The following SPTB variants were observed in gnomAD, a reference collection of about 807,000 sequenced individuals.
The protein encoded by SPTB is spectrin beta, erythrocytic.
Under a neutral mutation model 256.2 loss-of-function variants are expected in SPTB, and 45 were observed. The ratio of observed to expected loss-of-function variants is 0.18; its 90% CI spans 0.14 to 0.23. SPTB has a LOEUF of 0.23. Among genes scored for constraint, SPTB ranks in the 10% least tolerant of loss-of-function variants. SPTB has a pLI of 1.00. For synonymous variants in SPTB, 1,231 were observed against 1,243.1 expected, an observed-to-expected ratio of 0.99 and a Z score of 0.21; for missense variants, 2,715 against 3,040.4, an observed-to-expected ratio of 0.89 and a Z score of 2.52.
chr14:64,798,909 G>A (rs182656506), intron 9 of SPTB, among the ~76,000 whole-genome samples: 13 of 152,362 alleles, frequency 8.5e-5, no homozygotes, highest in African/African-American at 2.6e-4. Flanking sequence ...ACAAGCTAAT[G>A]GCAGATAAGC....
At chr14:64,791,611 T>A in intron 15 of SPTB, 108 bp downstream of exon 15, 3 of 826,038 alleles carry the variant, frequency 3.6e-6, no homozygotes, top group Admixed American at 1.9e-5. Context: ...GTTGAGGGTA[T>A]AGAAGTGTTG....
At chr14:64,874,563 A>G (rs1882715475) in intron 1 of SPTB, among the ~76,000 whole-genome samples, 1 of 152,332 alleles carries the variant, frequency 6.6e-6, no homozygotes, top group Admixed American at 6.5e-5. Context: ...CCCTTCTGGA[A>G]ATATACTGGA....
chr14:64,850,412 C>A (rs1831517292), intron 1 of SPTB, among the ~76,000 whole-genome samples: 1 of 152,198 alleles, frequency 6.6e-6, no homozygotes, highest in Non-Finnish European at 1.5e-5. Context: ...CAACCTCAGA[C>A]TTGATTTTTC....
chr14:64,823,945 C>T lies in SPTB; in HGVS notation c.-51-800G>A, dbSNP rs1448208761. On this transcript the variant is annotated intron_variant, in intron 1 of 35. Coordinates refer to ENST00000644917, the MANE Select transcript of SPTB (RefSeq NM_001355436.2). The surrounding 1 kb of genome is among the most constrained non-coding windows in gnomAD (Gnocchi z 6.5). ...GTGCATTGTGAGTCCATGTGATGAA[C>T]CAGCGCATCAGGAGCACTGGGTCCT... 6.6e-6 allele frequency among the ~76,000 whole-genome samples: 1 copy of T among 152,198 alleles called. No homozygotes were observed. The highest frequency in any genetic ancestry group is 1.5e-5 in the Non-Finnish European group (1 of 68,040).
At chr14:64,757,721 G>A (rs1465031819) in intron 32 of SPTB, among the ~76,000 whole-genome samples, 2 of 152,074 alleles carry the variant, frequency 1.3e-5, no homozygotes, top group Non-Finnish European at 2.9e-5. Flanking sequence ...GGGGCTTTGG[G>A]GACAATCCTT....
rs1018561609 is a variant in SPTB, at chr14:64,775,145, T to G, written c.4822A>C (p.Ile1608Leu). 6.2e-7 allele frequency: 1 copy of G among 1,613,848 alleles called. No homozygotes were observed. The highest frequency in any genetic ancestry group is 1.3e-5 in the African/African-American group (1 of 74,934). Reference protein sequence around the residue: ...AWIGEQELYVISDEIPKDEEG... With the variant: ...AWIGEQELYVLSDEIPKDEEG... Reference sequence around the variant, plus strand: ...CAGACCTTGGGGATCTCATCGGAGATGACGTAGAGCTCCTGCTCGCCAATC... The same window carrying G: ...CAGACCTTGGGGATCTCATCGGAGAGGACGTAGAGCTCCTGCTCGCCAATC... The change falls in exon 23 of 36, where the codon ATC becomes CTC. Residue 1608 changes from isoleucine (I) to leucine (L), a missense_variant. By Grantham distance (5) the Ile-to-Leu change is conservative. This residue lies in a region of SPTB where 2,239 missense variants were observed against 2,384.4 expected (regional missense o/e 0.94). Transcript: ENST00000644917. This position sits in a 1 kb window ranked among gnomAD's most constrained non-coding sequence, Gnocchi z 5.0.
At chr14:64,781,707 A>G (rs2082474904) in intron 20 of SPTB, among the ~76,000 whole-genome samples, 1 of 152,236 alleles carries the variant, frequency 6.6e-6, no homozygotes, top group South Asian at 2.1e-4. Context: ...CAGCAATCCC[A>G]TTACTGGGTA....
intron 1 of SPTB, among the ~76,000 whole-genome samples, chr14:64,870,952 G>A (rs749361792): frequency 2.6e-5 from 4 of 152,158 alleles, no homozygotes; most frequent in Non-Finnish European, 5.9e-5. Flanking sequence ...CTTGTGTTTT[G>A]GAAGATGAAA....
intron 23 of SPTB, among the ~76,000 whole-genome samples, chr14:64,774,872 AAGAAAAGT>A (rs1185768799): frequency 2.0e-5 from 3 of 151,162 alleles, no homozygotes; most frequent in African/African-American, 7.3e-5. Flanking sequence ...ATCCAGGGTA[AAGAAAAGT>A]AGAGAACCCT....
At chr14:64,766,926 G>A (rs1030337025) in intron 31 of SPTB, 125 bp from the exon 32 acceptor site, 24 of 1,255,092 alleles carry the variant, frequency 1.9e-5, no homozygotes, top group African/African-American at 1.0e-4. Flanking sequence ...CCAGTCAGCC[G>A]GCAGCCTGGA....
At position 64,826,850 on chromosome 14, in the gene SPTB, C is replaced by G. The variant is rs2083384368; in HGVS notation, c.-51-3705G>C. Among the ~76,000 whole-genome samples the G allele has an allele frequency of 6.6e-6, 1 of 152,154 alleles. No homozygotes were observed. The highest frequency in any genetic ancestry group is 1.5e-5 in the Non-Finnish European group (1 of 68,030). On this transcript the variant is annotated intron_variant, in intron 1 of 35. Transcript: ENST00000644917. The surrounding 1 kb of genome is among the most constrained non-coding windows in gnomAD (Gnocchi z 4.4). ...GCCTTCTGCCACCACCGACCCCAGG[C>G]TATATTTTGAGTAGGATGGGACCTG...
intron 29 of SPTB, chr14:64,768,309 G>T: frequency 4.0e-6 from 1 of 250,080 alleles, no homozygotes; most frequent in Admixed American, 5.0e-5. Flanking sequence ...CAAAGTGCTG[G>T]GATTATAGAT....
At chr14:64,868,530 A>G (rs1882331061) in intron 1 of SPTB, among the ~76,000 whole-genome samples, 1 of 152,222 alleles carries the variant, frequency 6.6e-6, no homozygotes, top group African/African-American at 2.4e-5. Flanking sequence ...TCTGGGACTG[A>G]GGAGGAGGTC....
At chr14:64,791,955 T>C in intron 14 of SPTB, 99 bp from the exon 15 acceptor site, 1 of 1,519,882 alleles carries the variant, frequency 6.6e-7, no homozygotes, top group East Asian at 2.3e-5. Flanking sequence ...GCTCTTGCTT[T>C]CTCCTTCCAC....
Position 64,793,378 on chromosome 14 carries a change from G to A in SPTB, c.2285C>T (p.Ala762Val). Residue 762 changes from alanine (A) to valine (V), a missense_variant, in exon 14 of 36, where the codon GCC becomes GTC. Transcript: ENST00000644917. This position sits in a 1 kb window ranked among gnomAD's most constrained non-coding sequence, Gnocchi z 7.0. ...ADDLKAWLQD[A>V]HRLLSGEDVG... ...ATCTTCACCAGAGAGCAGCCGGTGGGCGTCTTGCAGCCAAGCCTTCAGGTC... is the reference window on the plus strand; with the variant it reads ...ATCTTCACCAGAGAGCAGCCGGTGGACGTCTTGCAGCCAAGCCTTCAGGTC... 1.9e-6 allele frequency: 3 copies of A among 1,612,710 alleles called. No homozygotes were observed. Among genetic ancestry groups the A allele is most frequent in the Non-Finnish European group, 2.5e-6 (3 of 1,180,014 alleles).
Position 64,766,508 on chromosome 14 carries a change from G to A in SPTB, c.6345+218C>T, listed in dbSNP as rs1335086137. ...CACTGGGCTGGCCTGTTTCCTCTGC[G>A]CTGTGGGGAGGAGTGGAGGAGGCTA... On this transcript the variant is annotated intron_variant, in intron 32 of 35. Transcript: ENST00000644917. The A allele has an allele frequency of 6.1e-6, 9 of 1,464,572 alleles. No individual in the cohort carries two copies. In the East Asian group the frequency reaches 7.4e-5, roughly 12 times the overall value. 90.7% of individuals were successfully genotyped at this position (1,464,572 alleles called of 1,614,324 possible).
chr14:64,842,271 G>A (rs1466136177), intron 1 of SPTB, among the ~76,000 whole-genome samples: 1 of 152,204 alleles, frequency 6.6e-6, no homozygotes, highest in Non-Finnish European at 1.5e-5. Flanking sequence ...TCGTTTCCTA[G>A]TACATGGTAG....
Position 64,802,487 on chromosome 14 carries a change from C to T in SPTB, c.475-170G>A, listed in dbSNP as rs557465847. Among the ~76,000 whole-genome samples the T allele has an allele frequency of 2.0e-5, 3 of 152,258 alleles. No individual in the cohort carries two copies. Among genetic ancestry groups the T allele is most frequent in the Admixed American group, 2.0e-4 (3 of 15,296 alleles). On this transcript the variant is annotated intron_variant, in intron 4 of 35. Transcript: ENST00000644917. This position sits in a 1 kb window ranked among gnomAD's most constrained non-coding sequence, Gnocchi z 5.1. ...GTTGGGTCTCCCTTCATGTGCCCTGCTCCCTGCATTTACATTTCCTTCTCT... is the reference window on the plus strand; with the variant it reads ...GTTGGGTCTCCCTTCATGTGCCCTGTTCCCTGCATTTACATTTCCTTCTCT...
chr14:64,748,934 CTCTTTTTT>C lies in SPTB; in HGVS notation c.*364_*371del. Reference sequence around the variant, plus strand: ...GAAGAACCCCATCAGCCTTCTCCAGCTCTTTTTTTTTTTTTTTTTTGGTTGGGGGTAAG... The same window carrying C: ...GAAGAACCCCATCAGCCTTCTCCAGCTTTTTTTTTTTTGGTTGGGGGTAAG... On this transcript the variant is annotated 3_prime_UTR_variant, in exon 36 of 36. Transcript: ENST00000644917. 6.2e-6 allele frequency: 1 copy of C among 161,002 alleles called. No individual in the cohort carries two copies. The highest frequency in any genetic ancestry group is 1.2e-5 in the Non-Finnish European group (1 of 86,810). The allele number at this position is 161,002 out of a possible 1,614,324, so 10.0% of individuals were successfully genotyped here.
Sources: allele counts gnomAD v4.1 joint callset (sites outside exome capture counted in the v4.1 genomes callset), GRCh38; gene constraint gnomAD v4.1.1; regional missense constraint gnomAD v4.1.1; non-coding constraint Gnocchi (gnomAD v3.1); transcripts MANE v1.5; gene names NCBI Gene and HGNC (gene_info 2026-07-23, HGNC 2026-07-21).